The following FAM53A variants were observed in gnomAD, a reference collection of about 807,000 sequenced individuals.
FAM53A encodes the protein family with sequence similarity 53 member A.
In FAM53A, 28 loss-of-function variants were observed where a neutral mutation model predicts 26.6. The ratio of observed to expected loss-of-function variants is 1.05; its 90% CI spans 0.78 to 1.45. FAM53A has a LOEUF of 1.45. FAM53A is among the 40% of genes most tolerant of loss of function. The probability of loss-of-function intolerance (pLI) is 0.00; values close to 1 mark genes in which losing one functional copy is unlikely to be tolerated. For synonymous variants in FAM53A, 290 were observed against 253.1 expected (o/e 1.15, Z -1.38); for missense variants, 650 against 575.8 (o/e 1.13, Z -1.32).
At chr4:1,653,074 C>T (rs2108889823) in intron 4 of FAM53A, among the ~76,000 whole-genome samples, 1 of 149,588 alleles carries the variant, frequency 6.7e-6, no homozygotes. Flanking sequence ...ACGTCACATA[C>T]ACATCACACA....
chr4:1,637,260 G>A (rs1210502938), downstream of FAM53A, among the ~76,000 whole-genome samples: 1 of 152,164 alleles, frequency 6.6e-6, no homozygotes, highest in Non-Finnish European at 1.5e-5. Flanking sequence ...CAAGCACGGG[G>A]CCTGTGACTG....
At chr4:1,673,474 C>T (rs1441771124) in intron 1 of FAM53A, among the ~76,000 whole-genome samples, 3 of 152,230 alleles carry the variant, frequency 2.0e-5, no homozygotes, top group Non-Finnish European at 4.4e-5. Flanking sequence ...TGGCTCATGC[C>T]TGTAATCCCA....
chr4:1,671,670 T>C (rs1453754531), intron 1 of FAM53A, among the ~76,000 whole-genome samples: 1 of 152,210 alleles, frequency 6.6e-6, no homozygotes, highest in East Asian at 1.9e-4. Context: ...GATGGGGCTC[T>C]ATGGCTGACA....
At position 1,644,366 on chromosome 4, in the gene FAM53A, C is replaced by G. The variant is rs1712045727; in HGVS notation, c.883-2759G>C. The G allele has an allele frequency of 2.6e-6, 4 of 1,535,054 alleles. No homozygotes were observed. The African/African-American group carries it at 4.1e-5, about 16-fold the overall frequency. ...GGCTAGAGCGTGAAAACAGCAGGCT[C>G]TGAACGCCTCTGGACGACACAGTCG... On this transcript the variant is annotated intron_variant, in intron 4 of 4. Transcript: ENST00000308132.
At chr4:1,635,831 T>A (rs536743018), downstream of FAM53A, among the ~76,000 whole-genome samples, 2 of 147,114 alleles carry the variant, frequency 1.4e-5, no homozygotes, top group African/African-American at 5.1e-5. Context: ...TGTATAATAC[T>A]AATTCTTTTT....
In FAM53A at chr4:1,659,163, C is replaced by T. The variant is rs374260906; in HGVS notation, c.76-1695G>A. ...ACGGCGGTGTGGAGCTGTGAGCACC[C>T]GGCCACACCATGAGGACAGGGCCTG... On this transcript the variant is annotated intron_variant, in intron 2 of 4. Coordinates refer to ENST00000308132, the MANE Select transcript of FAM53A (RefSeq NM_001174070.3). The surrounding 1 kb of genome is among the most constrained non-coding windows in gnomAD (Gnocchi z 5.2). 9.2e-5 allele frequency among the ~76,000 whole-genome samples: 14 copies of T among 152,326 alleles called. No individual in the cohort carries two copies. The East Asian group carries it at 2.1e-3, about 23-fold the overall frequency.
At position 1,644,096 on chromosome 4, in the gene FAM53A, T is replaced by C. The variant is rs1712010101; in HGVS notation, c.883-2489A>G. 3 of 1,460,418 alleles carry C rather than the reference T, an allele frequency of 2.1e-6. No homozygotes were observed. The South Asian group carries it at 4.1e-5, about 20-fold the overall frequency. The allele number at this position is 1,460,418 out of a possible 1,614,324, so 90.5% of individuals were successfully genotyped here. On this transcript the variant is annotated intron_variant, in intron 4 of 4. Transcript: ENST00000308132. Reference sequence around the variant, plus strand: ...GTGTCACCCGTGACCTTGCAGACTCTGGCTGCCGTGCTGCCCACACAGGAT... The same window carrying C: ...GTGTCACCCGTGACCTTGCAGACTCCGGCTGCCGTGCTGCCCACACAGGAT...
intron 1 of FAM53A, among the ~76,000 whole-genome samples, chr4:1,678,158 C>A (rs367837528): frequency 3.0e-4 from 46 of 152,294 alleles, no homozygotes; most frequent in African/African-American, 1.0e-3. Flanking sequence ...AGTTCAAGAC[C>A]AGCCTGGGCA....
chr4:1,650,973 C>G (rs184033249), intron 4 of FAM53A, among the ~76,000 whole-genome samples: 1 of 149,510 alleles, frequency 6.7e-6, no homozygotes, highest in Non-Finnish European at 1.5e-5. Context: ...AATCCCAGCA[C>G]TTTGGGAGGC....
At chr4:1,684,492 GT>G (rs922337205), upstream of FAM53A, among the ~76,000 whole-genome samples, 8 of 150,704 alleles carry the variant, frequency 5.3e-5, no homozygotes, top group Non-Finnish European at 1.2e-4. Flanking sequence ...CGCCCACCGA[GT>G]CCGCAGCGCG....
At chr4:1,637,139 C>A (rs1006061149), downstream of FAM53A, among the ~76,000 whole-genome samples, 2 of 149,800 alleles carry the variant, frequency 1.3e-5, no homozygotes, top group African/African-American at 4.9e-5. Context: ...CAGGGAGGTC[C>A]GGGGCTCTCA....
At chr4:1,605,845 C>A in the FAM53A span, among the ~76,000 whole-genome samples, 1 of 152,160 alleles carries the variant, frequency 6.6e-6, no homozygotes, top group Non-Finnish European at 1.5e-5. The surrounding 1 kb of genome is among the most constrained non-coding windows in gnomAD (Gnocchi z 5.7). Flanking sequence ...ATGCTCCCGG[C>A]CCAGGCTTCA....
intron 4 of FAM53A, among the ~76,000 whole-genome samples, chr4:1,647,425 C>T (rs1268578895): frequency 6.6e-6 from 1 of 152,092 alleles, no homozygotes; most frequent in Non-Finnish European, 1.5e-5. Flanking sequence ...GGCAGTGCCC[C>T]TGCACCCTGC....
chr4:1,656,498 T>C (rs978198195), intron 3 of FAM53A, among the ~76,000 whole-genome samples: 1 of 151,520 alleles, frequency 6.6e-6, no homozygotes, highest in South Asian at 2.1e-4. Context: ...GGGAGAGAGA[T>C]GGGGGCTGTG....
the FAM53A span, among the ~76,000 whole-genome samples, chr4:1,608,906 G>A: frequency 1.3e-5 from 2 of 152,122 alleles, no homozygotes; most frequent in South Asian, 2.1e-4. Flanking sequence ...GACGGAGGGC[G>A]CCAGGGACAG....
rs574245237 is a variant in FAM53A at position 1,629,942 on chromosome 4, G to A, written c.432-11831C>T. On this transcript the variant is annotated intron_variant, in intron 1 of 1. Transcript: ENST00000489029. Reference sequence around the variant, plus strand: ...GCTTAAAGCTGTGGTTTATTCAGATGGGCCCTGGCCTGAGCAGATGCCGGA... The same window carrying A: ...GCTTAAAGCTGTGGTTTATTCAGATAGGCCCTGGCCTGAGCAGATGCCGGA... Among the ~76,000 whole-genome samples the A allele has an allele frequency of 4.6e-5, 7 of 152,234 alleles. No homozygotes were observed. In the East Asian group the frequency reaches 7.7e-4, roughly 17 times the overall value.
intron 1 of FAM53A, among the ~76,000 whole-genome samples, chr4:1,673,767 C>T (rs929459571): frequency 2.6e-5 from 4 of 152,360 alleles, no homozygotes; most frequent in Admixed American, 6.5e-5. Flanking sequence ...CCGCCAAGCA[C>T]CAGCCAGGGC....
rs144323503 is a variant in FAM53A at position 1,659,117 on chromosome 4, C to CG, written c.76-1650dup. Among the ~76,000 whole-genome samples the CG allele has an allele frequency of 1.1e-3, 172 of 152,360 alleles. No homozygotes were observed. The highest frequency in any genetic ancestry group is 4.0e-3 in the African/African-American group (166 of 41,586). ...CGAAAAAAGACAGGCCGCCTACACA[C>CG]GGGGTCCCACCTCAGCCAGCACGGC... is the stretch of plus-strand genomic sequence containing the variant. On this transcript the variant is annotated intron_variant, in intron 2 of 4. Coordinates refer to ENST00000308132, the MANE Select transcript of FAM53A (RefSeq NM_001174070.3). The surrounding 1 kb of genome is among the most constrained non-coding windows in gnomAD (Gnocchi z 5.2).
chr4:1,592,500 T>C, the FAM53A span, among the ~76,000 whole-genome samples: 2 of 146,576 alleles, frequency 1.4e-5, no homozygotes, highest in South Asian at 4.2e-4. Flanking sequence ...GGCGCTGCGG[T>C]CCTTCCTGGG....
Sources: gnomAD v4.1 joint callset for allele counts (sites outside exome capture counted in the v4.1 genomes callset) on GRCh38, gnomAD v4.1.1 for gene constraint, Gnocchi (gnomAD v3.1) non-coding constraint, MANE v1.5 for transcripts, NCBI Gene and HGNC (gene_info 2026-07-23, HGNC 2026-07-21) for gene names.